Variants in CERS6 observed in about 807,000 individuals in gnomAD.
The protein encoded by CERS6 is LAG1 homolog, ceramide synthase 6.
A neutral mutation model predicts 56.8 loss-of-function variants in CERS6; 26 were observed. The ratio of observed to expected loss-of-function variants is 0.46; its 90% CI spans 0.34 to 0.63. The LOEUF (loss-of-function observed/expected upper bound fraction) is 0.63, where lower values mean the gene tolerates loss of function less well. CERS6 is among the 30% of genes least tolerant of loss of function. CERS6 has a pLI of 0.01. For missense variants in CERS6, 415 were observed against 467.5 expected, an observed-to-expected ratio of 0.89 and a Z score of 1.04; for synonymous variants, 164 against 173.3, an observed-to-expected ratio of 0.95 and a Z score of 0.42.
At chr2:168,695,079 T>C in intron 6 of CERS6, 28 bp downstream of exon 6, 1 of 1,562,986 alleles carries the variant, frequency 6.4e-7, no homozygotes, top group Non-Finnish European at 8.8e-7. Flanking sequence ...GTAAAGTGCT[T>C]GCAAGCATGC....
intron 4 of CERS6, among the ~76,000 whole-genome samples, chr2:168,683,697 A>T (rs1391483080): frequency 5.3e-5 from 8 of 152,014 alleles, no homozygotes; most frequent in African/African-American, 1.9e-4. Flanking sequence ...TTCCTGTTCT[A>T]AACATGGAAT....
At chr2:168,730,121 A>G (rs1683479522) in intron 8 of CERS6, among the ~76,000 whole-genome samples, 1 of 152,234 alleles carries the variant, frequency 6.6e-6, no homozygotes, top group South Asian at 2.1e-4. Flanking sequence ...AAGACAGACA[A>G]GAGTGACTTA....
chr2:168,718,028 T>G, intron 8 of CERS6, 50 bp downstream of exon 8: 1 of 1,316,856 alleles, frequency 7.6e-7, no homozygotes, highest in Non-Finnish European at 1.1e-6. Flanking sequence ...CCAAATAAGC[T>G]TTCTGAACCA....
At chr2:168,517,527 A>AATAAATAAAT (rs764294452) in intron 1 of CERS6, among the ~76,000 whole-genome samples, 283 of 150,930 alleles carry the variant, frequency 1.9e-3, no homozygotes, top group African/African-American at 5.1e-3. Context: ...ATAAATAATA[A>AATAAATAAAT]AATAAAATAA....
chr2:168,562,937 G>A (rs1403998396), intron 3 of CERS6, among the ~76,000 whole-genome samples: 3 of 152,184 alleles, frequency 2.0e-5, no homozygotes, highest in Non-Finnish European at 4.4e-5. Flanking sequence ...TTTGAGCCAC[G>A]AGTCTGAGCA....
intron 3 of CERS6, among the ~76,000 whole-genome samples, chr2:168,603,577 A>T (rs138516934): frequency 6.6e-6 from 1 of 152,192 alleles, no homozygotes; most frequent in Non-Finnish European, 1.5e-5. Context: ...TTTATTGTGC[A>T]TTGGCTGTAG....
intron 4 of CERS6, among the ~76,000 whole-genome samples, chr2:168,660,511 T>C (rs541486539): frequency 6.6e-6 from 1 of 152,292 alleles, no homozygotes; most frequent in South Asian, 2.1e-4. Flanking sequence ...TTTCACACTC[T>C]TCTAAACTCT....
At chr2:168,484,505 A>T (rs1169245199) in intron 1 of CERS6, among the ~76,000 whole-genome samples, 5 of 151,110 alleles carry the variant, frequency 3.3e-5, no homozygotes, top group Non-Finnish European at 7.4e-5. Flanking sequence ...CCAAATCTTG[A>T]GGAGGGAAGA....
chr2:168,476,443 G>T (rs1694071776), intron 1 of CERS6, among the ~76,000 whole-genome samples: 1 of 152,104 alleles, frequency 6.6e-6, no homozygotes, highest in African/African-American at 2.4e-5. Flanking sequence ...GTGTCTTAGG[G>T]TTCTCCAGAG....
intron 8 of CERS6, among the ~76,000 whole-genome samples, chr2:168,755,031 A>G (rs1684378001): frequency 6.6e-6 from 1 of 152,252 alleles, no homozygotes; most frequent in East Asian, 1.9e-4. Flanking sequence ...CAGCCTCCCA[A>G]AGCTCTGGGA....
At chr2:168,591,905 A>G (rs1369499818) in intron 3 of CERS6, among the ~76,000 whole-genome samples, 2 of 152,210 alleles carry the variant, frequency 1.3e-5, no homozygotes, top group Non-Finnish European at 2.9e-5. Flanking sequence ...GAATCTCCGC[A>G]TGGACCCTCA....
chr2:168,487,518 A>G lies in CERS6; in HGVS notation c.170+30900A>G, dbSNP rs189790234. The stretch of plus-strand genomic sequence containing the variant: ...ATCAAGGTGTAAGACTCAGTGATCC[A>G]TTTAATGCTATTGCTAATCTTTATA... On this transcript the variant is annotated intron_variant, in intron 1 of 9. Coordinates refer to ENST00000305747, the MANE Select transcript of CERS6 (RefSeq NM_203463.3). Among the ~76,000 whole-genome samples the G allele has an allele frequency of 1.2e-3, 185 of 152,374 alleles. 1 individual carries two copies. Among genetic ancestry groups the G allele is most frequent in the African/African-American group, 4.2e-3 (175 of 41,596 alleles).
chr2:168,566,630 C>A (rs1021678736), intron 3 of CERS6, among the ~76,000 whole-genome samples: 2 of 152,064 alleles, frequency 1.3e-5, no homozygotes, highest in Non-Finnish European at 1.5e-5. Context: ...TATCTTGTGA[C>A]CTTCATGGAA....
chr2:168,554,239 AATC>A (rs1306656442), intron 2 of CERS6, among the ~76,000 whole-genome samples: 3 of 137,442 alleles, frequency 2.2e-5, no homozygotes, highest in Admixed American at 2.1e-4. Context: ...ATAAACTTAT[AATC>A]ATATTAATAC....
chr2:168,621,404 C>G (rs1684468691), intron 3 of CERS6, among the ~76,000 whole-genome samples: 1 of 152,054 alleles, frequency 6.6e-6, no homozygotes, highest in Non-Finnish European at 1.5e-5. Context: ...TTTCTGATTC[C>G]CACAAATTTT....
At chr2:168,740,081 A>G (rs1234044321) in intron 8 of CERS6, among the ~76,000 whole-genome samples, 1 of 152,084 alleles carries the variant, frequency 6.6e-6, no homozygotes, top group African/African-American at 2.4e-5. Flanking sequence ...CAGTATGGCA[A>G]AAAAAAGAGC....
At chr2:168,539,004 C>G (rs1197022919) in intron 1 of CERS6, among the ~76,000 whole-genome samples, 30 of 772 alleles carry the variant, frequency 0.039, 9 homozygotes, top group Middle Eastern at 1. Flanking sequence ...CTCGCTCTGT[C>G]GCCCAGGCTG....
chr2:168,685,829 A>G (rs1216626448), intron 4 of CERS6, among the ~76,000 whole-genome samples: 1 of 151,868 alleles, frequency 6.6e-6, no homozygotes, highest in Non-Finnish European at 1.5e-5. Context: ...TTATGTCTCA[A>G]TTGATGCCTC....
At chr2:168,661,871 G>C (rs1408378079) in intron 4 of CERS6, among the ~76,000 whole-genome samples, 1 of 152,232 alleles carries the variant, frequency 6.6e-6, no homozygotes, top group Non-Finnish European at 1.5e-5. Flanking sequence ...TGTTACACTG[G>C]TAGTGCATTT....
Sources: allele counts gnomAD v4.1 joint callset (sites outside exome capture counted in the v4.1 genomes callset), GRCh38; gene constraint gnomAD v4.1.1; transcripts MANE v1.5; gene names NCBI Gene and HGNC (gene_info 2026-07-23, HGNC 2026-07-21).